DPYSL5: variants seen among roughly 807,000 people sequenced by gnomAD.
DPYSL5 encodes dihydropyrimidinase like 5.
DPYSL5 carries 9 observed loss-of-function variants against 58.4 expected under a neutral mutation model. The observed-to-expected ratio is 0.15, with a 90% CI of 0.09 to 0.27. The LOEUF (loss-of-function observed/expected upper bound fraction) is 0.27, where lower values mean the gene tolerates loss of function less well. DPYSL5 is among the 10% of genes least tolerant of loss of function. The pLI, the probability that DPYSL5 is intolerant of heterozygous loss-of-function variation, is 1.00. For missense variants in DPYSL5, 499 were observed against 770.6 expected, an observed-to-expected ratio of 0.65 and a Z score of 4.17; for synonymous variants, 293 against 301.9, an observed-to-expected ratio of 0.97 and a Z score of 0.31.
Position 26,898,843 on chromosome 2 carries a change from G to C in DPYSL5, c.261+83G>C. On this transcript the variant is annotated intron_variant, in intron 2 of 12. Coordinates refer to ENST00000288699, the MANE Select transcript of DPYSL5 (RefSeq NM_020134.4). This position sits in a 1 kb window ranked among gnomAD's most constrained non-coding sequence, Gnocchi z 6.1. ...GGGCTGCTCCAGACTAGACTCATGT[G>C]AGCCAGGTGCTCCCAGTGTATTGCT... The C allele has an allele frequency of 6.7e-7, 1 of 1,495,400 alleles. No homozygotes were observed. 92.6% of individuals were successfully genotyped at this position (1,495,400 alleles called of 1,614,324 possible). A position where few individuals can be genotyped will look rare whatever the true frequency, so the allele number is the denominator to read the frequency against.
chr2:26,937,878 A>G (rs2148172151), intron 8 of DPYSL5, among the ~76,000 whole-genome samples: 1 of 151,848 alleles, frequency 6.6e-6, no homozygotes, highest in Admixed American at 6.6e-5. Flanking sequence ...GCCCAGCCTA[A>G]TTTTTGTATT....
Position 26,944,922 on chromosome 2 carries a change from C to T in DPYSL5, c.1609+98C>T. 1.7e-6 allele frequency: 2 copies of T among 1,186,254 alleles called. No homozygotes were observed. The highest frequency in any genetic ancestry group is 2.4e-6 in the Non-Finnish European group (2 of 836,456). The allele number at this position is 1,186,254 out of a possible 1,614,324, so 73.5% of individuals were successfully genotyped here. A position where few individuals can be genotyped will look rare whatever the true frequency, so the allele number is the denominator to read the frequency against. On this transcript the variant is annotated intron_variant, in intron 12 of 12. Transcript: ENST00000288699. The surrounding 1 kb of genome is among the most constrained non-coding windows in gnomAD (Gnocchi z 4.4). ...GCCTGCTTTTCTTTTGTGTCCTCTC[C>T]TCCCTCCCGTTGCCTATTTCCAGGG...
chr2:26,900,263 G>T (rs964246342), intron 2 of DPYSL5, among the ~76,000 whole-genome samples: 1 of 152,152 alleles, frequency 6.6e-6, no homozygotes, highest in African/African-American at 2.4e-5. Context: ...CAGCTTAATC[G>T]AGATATAATT....
chr2:26,891,848 A>G (rs1663888062), intron 1 of DPYSL5, among the ~76,000 whole-genome samples: 1 of 151,752 alleles, frequency 6.6e-6, no homozygotes, highest in Non-Finnish European at 1.5e-5. Context: ...AATTTTTGTA[A>G]TTTTAGTAGA....
chr2:26,892,756 TGAGAGAGAGAGAGAGAGA>T (rs144430871), intron 1 of DPYSL5, among the ~76,000 whole-genome samples: 3 of 138,828 alleles, frequency 2.2e-5, no homozygotes, highest in East Asian at 2.1e-4. Flanking sequence ...TGGGTTTGTT[TGAGAGAGAGAGAGAGAGA>T]GAGAGAGAGA....
intron 8 of DPYSL5, among the ~76,000 whole-genome samples, chr2:26,936,723 A>G (rs762426123): frequency 1.3e-5 from 2 of 152,064 alleles, no homozygotes; most frequent in Non-Finnish European, 2.9e-5. Context: ...AGGCGGAGTC[A>G]GGCAGATTAC....
intron 1 of DPYSL5, among the ~76,000 whole-genome samples, chr2:26,852,430 A>G (rs989553198): frequency 3.3e-5 from 5 of 151,044 alleles, no homozygotes; most frequent in African/African-American, 1.2e-4. Flanking sequence ...CACAAATTAT[A>G]CACTTGAACA....
chr2:26,865,282 T>C (rs942020480), intron 1 of DPYSL5, among the ~76,000 whole-genome samples: 4 of 151,876 alleles, frequency 2.6e-5, no homozygotes, highest in Non-Finnish European at 5.9e-5. Context: ...CTCTGTTCTT[T>C]GTTAAGATGT....
intron 2 of DPYSL5, among the ~76,000 whole-genome samples, chr2:26,911,079 G>GTTTTTTTT (rs57441106): frequency 3.0e-5 from 3 of 100,416 alleles, no homozygotes; most frequent in Non-Finnish European, 3.9e-5. Flanking sequence ...TCTATGTTCA[G>GTTTTTTTT]TTTTTTTTTT....
At chr2:26,884,609 T>C (rs575328549) in intron 1 of DPYSL5, among the ~76,000 whole-genome samples, 1 of 152,134 alleles carries the variant, frequency 6.6e-6, no homozygotes, top group South Asian at 2.1e-4. Context: ...TTTGAACTAA[T>C]CTCACTGAAC....
intron 1 of DPYSL5, among the ~76,000 whole-genome samples, chr2:26,865,257 C>T (rs1666111415): frequency 6.6e-6 from 1 of 151,690 alleles, no homozygotes. Context: ...GGTCTTTCCT[C>T]CTAACTGTAG....
In DPYSL5 at chr2:26,928,237, T is replaced by C. The variant is rs1407489294; in HGVS notation, c.601-18T>C. ...TCTCTGTGATTCTCTCCATTTTCTTTCTCTTGCTGTTATCCAGGGTGCTAA... is the reference window on the plus strand; with the variant it reads ...TCTCTGTGATTCTCTCCATTTTCTTCCTCTTGCTGTTATCCAGGGTGCTAA... On this transcript the variant is annotated intron_variant, in intron 4 of 12. Transcript: ENST00000288699. 15 of 1,613,420 alleles carry C rather than the reference T, an allele frequency of 9.3e-6. No individual in the cohort carries two copies. The highest frequency in any genetic ancestry group is 1.3e-5 in the Non-Finnish European group (15 of 1,179,672).
chr2:26,928,752 C>CGTGTGTGTGTGTGTGT (rs775375591), intron 5 of DPYSL5, among the ~76,000 whole-genome samples: 2 of 86,702 alleles, frequency 2.3e-5, no homozygotes, highest in African/African-American at 8.4e-5. Context: ...CACACACATA[C>CGTGTGTGTGTGTGTGT]GTGTGTGCGT....
intron 1 of DPYSL5, among the ~76,000 whole-genome samples, chr2:26,896,768 T>C (rs11693397): frequency 2.8e-4 from 42 of 152,226 alleles, no homozygotes; most frequent in Non-Finnish European, 2.4e-4. Flanking sequence ...CTTATTTATT[T>C]TGGATATTAA....
At chr2:26,892,692 CAAACAA>C (rs1663914131) in intron 1 of DPYSL5, among the ~76,000 whole-genome samples, 2 of 144,860 alleles carry the variant, frequency 1.4e-5, no homozygotes, top group South Asian at 4.4e-4. Context: ...AACAAAAAAA[CAAACAA>C]AAACAAAAAA....
chr2:26,864,160 A>G (rs1441364203), intron 1 of DPYSL5, among the ~76,000 whole-genome samples: 4 of 152,216 alleles, frequency 2.6e-5, no homozygotes, highest in Non-Finnish European at 4.4e-5. Context: ...TGGAAGGATC[A>G]CTTGAGGCCT....
At chr2:26,892,862 A>C (rs1333679938) in intron 1 of DPYSL5, among the ~76,000 whole-genome samples, 2 of 151,790 alleles carry the variant, frequency 1.3e-5, no homozygotes, top group Middle Eastern at 6.4e-3. Flanking sequence ...AACCAAAGCC[A>C]TTTTCTTATT....
In DPYSL5 at chr2:26,949,327, CCTCA is replaced by C. The variant is rs1270506337; in HGVS notation, c.*2337_*2340del. On this transcript the variant is annotated 3_prime_UTR_variant, in exon 13 of 13. Transcript: ENST00000288699. Reference sequence around the variant, plus strand: ...TCACTTCTCCCTTCACTCCCCCTTTCCTCACTCAGGGGCTGAGAGGACAGAGGTG... The same window carrying C: ...TCACTTCTCCCTTCACTCCCCCTTTCCTCAGGGGCTGAGAGGACAGAGGTG... The C allele has an allele frequency of 3.3e-5, 5 of 152,476 alleles. No individual in the cohort carries two copies. Among genetic ancestry groups the C allele is most frequent in the African/African-American group, 1.2e-4 (5 of 41,582 alleles). 9.4% of individuals were successfully genotyped at this position (152,476 alleles called of 1,614,324 possible).
intron 6 of DPYSL5, among the ~76,000 whole-genome samples, chr2:26,931,945 T>G (rs534019853): frequency 1.7e-5 from 2 of 121,040 alleles, no homozygotes; most frequent in East Asian, 4.8e-4. Flanking sequence ...GAGGCGGAGG[T>G]TGCAGTGAGC....
Sources: gnomAD v4.1 joint callset for allele counts (sites outside exome capture counted in the v4.1 genomes callset) on GRCh38, gnomAD v4.1.1 for gene constraint, Gnocchi (gnomAD v3.1) non-coding constraint, MANE v1.5 for transcripts, NCBI Gene and HGNC (gene_info 2026-07-23, HGNC 2026-07-21) for gene names.